Variants in EPHA8 observed in about 807,000 individuals in gnomAD.
EPHA8 encodes the protein EPH receptor A8, also known as ephrin type-A receptor 8.
In EPHA8, 58 loss-of-function variants were observed where a neutral mutation model predicts 103.6. That is an observed-to-expected ratio of 0.56 (90% confidence interval 0.45 to 0.70). EPHA8 has a LOEUF of 0.70. Among genes scored for constraint, EPHA8 ranks in the 30% least tolerant of loss-of-function variants. The pLI is 0.00. For synonymous variants in EPHA8, 559 were observed against 572.5 expected (o/e 0.98, Z 0.34); for missense variants, 1,304 against 1,395.2 (o/e 0.93, Z 1.04).
In EPHA8 at chr1:22,600,643, CTT is replaced by C; in HGVS notation, c.2389-17_2389-16del. ...GCCAGGCCTGGGCAGCCCCTCAACT[CTT>C]GTGTGTCCGTCGCAGGGCGGGAAGA... is the stretch of plus-strand genomic sequence containing the variant. On this transcript the variant is annotated splice_polypyrimidine_tract_variant and intron_variant, in intron 13 of 16. Transcript: ENST00000166244. 2 of 1,612,136 alleles carry C rather than the reference CTT, an allele frequency of 1.2e-6. No individual in the cohort carries two copies. The highest frequency in any genetic ancestry group is 1.7e-6 in the Non-Finnish European group (2 of 1,179,414).
At position 22,597,439 on chromosome 1, in the gene EPHA8, G is replaced by T; in HGVS notation, c.1893G>T (p.Glu631Asp). 1.9e-6 allele frequency: 3 copies of T among 1,613,552 alleles called. No individual in the cohort carries two copies. The highest frequency in any genetic ancestry group is 2.5e-6 in the Non-Finnish European group (3 of 1,179,984). ...GCCGCAGTTTCACTCGGGAGATCGA[G>T]GCCTCTAGGATCCACATCGAGAAAA... ...RAGRSFTREIEASRIHIEKII... is the reference protein window; with the variant it reads ...RAGRSFTREIDASRIHIEKII... Residue 631 changes from glutamate to aspartate, a missense_variant, in exon 10 of 17, where the codon GAG becomes GAT. By Grantham distance (45) the Glu-to-Asp change is conservative. Transcript: ENST00000166244. This position sits in a 1 kb window ranked among gnomAD's most constrained non-coding sequence, Gnocchi z 4.6.
intron 13 of EPHA8, 38 bp downstream of exon 13, chr1:22,599,085 T>G: frequency 6.4e-7 from 1 of 1,555,190 alleles, no homozygotes; most frequent in Non-Finnish European, 8.7e-7. Context: ...GACTGGGGAG[T>G]GGGGAGATGG....
chr1:22,598,299 C>A lies in EPHA8; in HGVS notation c.2178+87C>A. On this transcript the variant is annotated intron_variant, in intron 12 of 16. Transcript: ENST00000166244. The surrounding 1 kb of genome is among the most constrained non-coding windows in gnomAD (Gnocchi z 5.1). ...GGAGATAGTGCAAAGCCCTCTAAGCCCCCTCCCTGGCTTGGACACCACAGG... is the reference window on the plus strand; with the variant it reads ...GGAGATAGTGCAAAGCCCTCTAAGCACCCTCCCTGGCTTGGACACCACAGG... 1 of 1,369,340 alleles carries A rather than the reference C, an allele frequency of 7.3e-7. No homozygotes were observed. The allele number at this position is 1,369,340 out of a possible 1,614,324, so 84.8% of individuals were successfully genotyped here.
Position 22,569,408 on chromosome 1 carries a change from C to T in EPHA8, c.159+55C>T. 1 of 1,518,662 alleles carries T rather than the reference C, an allele frequency of 6.6e-7. No homozygotes were observed. The highest frequency in any genetic ancestry group is 8.9e-7 in the Non-Finnish European group (1 of 1,125,766). 94.1% of individuals were successfully genotyped at this position (1,518,662 alleles called of 1,614,324 possible). A position where few individuals can be genotyped will look rare whatever the true frequency, so the allele number is the denominator to read the frequency against. On this transcript the variant is annotated intron_variant, in intron 2 of 16. Coordinates refer to ENST00000166244, the MANE Select transcript of EPHA8 (RefSeq NM_020526.5). This position sits in a 1 kb window ranked among gnomAD's most constrained non-coding sequence, Gnocchi z 4.5. ...TCCCTCTGTGAGCAGAGAGAGGCTG[C>T]CACTCACAGAGTCTGCATGAGATAG...
Position 22,597,611 on chromosome 1 carries a change from G to C in EPHA8, c.1931-65G>C. On this transcript the variant is annotated intron_variant, in intron 10 of 16. Transcript: ENST00000166244. The surrounding 1 kb of genome is among the most constrained non-coding windows in gnomAD (Gnocchi z 4.6). ...AAGCCCAGGGGGTCCAAGGGCCTGGGAGGCTGGGGGAGTCTGAGGGTCCCA... is the reference window on the plus strand; with the variant it reads ...AAGCCCAGGGGGTCCAAGGGCCTGGCAGGCTGGGGGAGTCTGAGGGTCCCA... The C allele has an allele frequency of 6.4e-7, 1 of 1,552,038 alleles. No homozygotes were observed. The highest frequency in any genetic ancestry group is 1.4e-5 in the African/African-American group (1 of 73,470).
At chr1:22,580,917 C>T (rs1035895495) in intron 3 of EPHA8, among the ~76,000 whole-genome samples, 2 of 152,182 alleles carry the variant, frequency 1.3e-5, no homozygotes, top group Non-Finnish European at 2.9e-5. Flanking sequence ...GCCAGAGCTG[C>T]GCCAAACCTC....
intron 3 of EPHA8, among the ~76,000 whole-genome samples, chr1:22,586,009 C>T (rs1236584964): frequency 6.6e-6 from 1 of 152,164 alleles, no homozygotes. Flanking sequence ...CCATCCCTGG[C>T]CTGCTTCCTC....
intron 2 of EPHA8, among the ~76,000 whole-genome samples, chr1:22,572,555 T>A (rs79517153): frequency 0.012 from 1,810 of 152,368 alleles, 21 homozygotes; most frequent in Admixed American, 0.019. Flanking sequence ...CTAATTAACA[T>A]GGACTAACGA....
At position 22,601,914 on chromosome 1, in the gene EPHA8, C is replaced by G. The variant is rs1641749487; in HGVS notation, c.*173C>G. On this transcript the variant is annotated 3_prime_UTR_variant, in exon 17 of 17. Transcript: ENST00000166244. ...ACCTGGAGTTATCAGGGGTCAGGCG[C>G]CTGGGAAGGGGCCTTTGGTGGCCAC... The G allele has an allele frequency of 1.4e-6, 1 of 697,586 alleles. No homozygotes were observed. The highest frequency in any genetic ancestry group is 2.8e-5 in the East Asian group (1 of 35,760). The allele number at this position is 697,586 out of a possible 1,614,324, so 43.2% of individuals were successfully genotyped here. A position where few individuals can be genotyped will look rare whatever the true frequency, so the allele number is the denominator to read the frequency against.
intron 5 of EPHA8, among the ~76,000 whole-genome samples, chr1:22,590,108 C>T (rs1641334678): frequency 6.6e-6 from 1 of 152,188 alleles, no homozygotes; most frequent in African/African-American, 2.4e-5. Flanking sequence ...TCAGAAGATT[C>T]CCTCATTCGA....
intron 8 of EPHA8, among the ~76,000 whole-genome samples, chr1:22,595,718 A>T (rs1641498448): frequency 6.6e-6 from 1 of 152,176 alleles, no homozygotes; most frequent in Non-Finnish European, 1.5e-5. Context: ...CATCTAACTG[A>T]TGGAGAAATG....
rs747650639 is a variant in EPHA8 at position 22,576,453 on chromosome 1, C to T, written c.396C>T (p.Asp132=). 1.9e-6 allele frequency: 3 copies of T among 1,613,952 alleles called. No homozygotes were observed. The highest frequency in any genetic ancestry group is 2.7e-5 in the African/African-American group (2 of 74,934). Residue 132 remains aspartate, a synonymous_variant, in exon 3 of 17, where the codon GAC becomes GAT. Coordinates refer to ENST00000166244, the MANE Select transcript of EPHA8 (RefSeq NM_020526.5). This position sits in a 1 kb window ranked among gnomAD's most constrained non-coding sequence, Gnocchi z 4.8. ...FNLYYLESDR[D]LGASTQESQF... is the part of the protein sequence containing the mutation. ...TCTACTACCTGGAGTCGGACCGCGA[C>T]CTGGGGGCCAGCACACAAGAAAGCC...
At chr1:22,587,696 T>C (rs1227421977) in intron 4 of EPHA8, among the ~76,000 whole-genome samples, 3 of 152,126 alleles carry the variant, frequency 2.0e-5, no homozygotes, top group Non-Finnish European at 4.4e-5. Context: ...CTGTTCTGAT[T>C]TTGCTCTGAA....
Position 22,597,537 on chromosome 1 carries a change from A to C in EPHA8, c.1930+61A>C. 1.3e-6 allele frequency: 2 copies of C among 1,583,832 alleles called. No individual in the cohort carries two copies. Among genetic ancestry groups the C allele is most frequent in the Non-Finnish European group, 1.7e-6 (2 of 1,163,496 alleles). Reference sequence around the variant, plus strand: ...GGGGCAAGGTGGGGGCACCCAGGGCAAGGTGGGGGCACCCAGGGCAGAGGG... The same window carrying C: ...GGGGCAAGGTGGGGGCACCCAGGGCCAGGTGGGGGCACCCAGGGCAGAGGG... On this transcript the variant is annotated intron_variant, in intron 10 of 16. Coordinates refer to ENST00000166244, the MANE Select transcript of EPHA8 (RefSeq NM_020526.5). The surrounding 1 kb of genome is among the most constrained non-coding windows in gnomAD (Gnocchi z 4.6).
chr1:22,594,588 T>A (rs1224582637), intron 7 of EPHA8, among the ~76,000 whole-genome samples: 1 of 152,180 alleles, frequency 6.6e-6, no homozygotes, highest in Admixed American at 6.5e-5. Flanking sequence ...TGCCCCAATC[T>A]CCAGCCGGAG....
intron 2 of EPHA8, among the ~76,000 whole-genome samples, chr1:22,573,482 C>G (rs923231227): frequency 6.6e-6 from 1 of 152,156 alleles, no homozygotes; most frequent in Non-Finnish European, 1.5e-5. Flanking sequence ...ATGCCCATGA[C>G]CTTCTCTCTA....
chr1:22,597,496 A>T lies in EPHA8; in HGVS notation c.1930+20A>T. 6.2e-7 allele frequency: 1 copy of T among 1,607,932 alleles called. No homozygotes were observed. The highest frequency in any genetic ancestry group is 1.7e-4 in the Middle Eastern group (1 of 6,040). On this transcript the variant is annotated intron_variant, in intron 10 of 16. Transcript: ENST00000166244. The surrounding 1 kb of genome is among the most constrained non-coding windows in gnomAD (Gnocchi z 4.6). ...GCTCTGGTGAGTCTCAGGGGTTGTG[A>T]GGGCGGGGCCAGCATGGGGCAAGGT...
In EPHA8 at chr1:22,601,117, G is replaced by A. The variant is rs373853289; in HGVS notation, c.2729+29G>A. Reference sequence around the variant, plus strand: ...CCTTGTGCCCACCCCAGCTCCTTGAGGCCCAGCTGCCTCCCAGTATTGCCC... The same window carrying A: ...CCTTGTGCCCACCCCAGCTCCTTGAAGCCCAGCTGCCTCCCAGTATTGCCC... On this transcript the variant is annotated intron_variant, in intron 15 of 16. Coordinates refer to ENST00000166244, the MANE Select transcript of EPHA8 (RefSeq NM_020526.5). The A allele has an allele frequency of 5.2e-4, 816 of 1,582,374 alleles. 11 individuals carry two copies. In the South Asian group the frequency reaches 9.0e-3, roughly 17 times the overall value.
At chr1:22,582,962 CTG>C (rs1403887315) in intron 3 of EPHA8, among the ~76,000 whole-genome samples, 1 of 152,256 alleles carries the variant, frequency 6.6e-6, no homozygotes, top group Non-Finnish European at 1.5e-5. Flanking sequence ...GCCTTCCTGA[CTG>C]TGTTTAAAAT....
Sources: gnomAD v4.1 joint callset for allele counts (sites outside exome capture counted in the v4.1 genomes callset) on GRCh38, gnomAD v4.1.1 for gene constraint, Gnocchi (gnomAD v3.1) non-coding constraint, MANE v1.5 for transcripts, NCBI Gene and HGNC (gene_info 2026-07-23, HGNC 2026-07-21) for gene names.